The following OR7C1 variants were observed in gnomAD, a reference collection of about 807,000 sequenced individuals.
The protein encoded by OR7C1 is olfactory receptor family 7 subfamily C member 1.
For synonymous variants in OR7C1, 152 were observed against 160.7 expected (o/e 0.95, Z 0.41); for missense variants, 324 against 383.3 (o/e 0.85, Z 1.29).
intron 1 of OR7C1, among the ~76,000 whole-genome samples, chr19:14,811,944 C>A (rs373963798): frequency 6.6e-6 from 1 of 151,798 alleles, no homozygotes; most frequent in Non-Finnish European, 1.5e-5. Flanking sequence ...GGTCTGTGGC[C>A]CAGGGGTTGG....
At chr19:14,802,318 G>A (rs975176209) in intron 2 of OR7C1, among the ~76,000 whole-genome samples, 1 of 152,058 alleles carries the variant, frequency 6.6e-6, no homozygotes, top group African/African-American at 2.4e-5. Context: ...TCAGGAGTTC[G>A]AGACCAGCCT....
chr19:14,831,483 C>T (rs1312256143), intron 1 of OR7C1, among the ~76,000 whole-genome samples: 2 of 151,892 alleles, frequency 1.3e-5, no homozygotes, highest in African/African-American at 2.4e-5. Flanking sequence ...CTCGCTCTGT[C>T]GCCCAGGTTG....
chr19:14,829,425 A>G (rs2044809597), intron 1 of OR7C1, among the ~76,000 whole-genome samples: 3 of 151,506 alleles, frequency 2.0e-5, no homozygotes, highest in Non-Finnish European at 4.4e-5. Flanking sequence ...CTGGTCTTGA[A>G]CTCCCAACCT....
At chr19:14,815,804 T>TGTGTGTGTGTGTGTGTCTGTGTCTGG (rs2044713572) in intron 1 of OR7C1, among the ~76,000 whole-genome samples, 2 of 151,624 alleles carry the variant, frequency 1.3e-5, no homozygotes, top group African/African-American at 4.9e-5. Flanking sequence ...TGTGTGTGTG[T>TGTGTGTGTGTGTGTGTCTGTGTCTGG]GTGTGTGTGT....
At chr19:14,816,763 TC>T (rs1449713012) in intron 1 of OR7C1, among the ~76,000 whole-genome samples, 1 of 152,180 alleles carries the variant, frequency 6.6e-6, no homozygotes, top group Non-Finnish European at 1.5e-5. Flanking sequence ...ATTAGTTCTG[TC>T]CCTCTAGAGA....
At chr19:14,827,906 G>A (rs1411821153) in intron 1 of OR7C1, 3 of 1,614,208 alleles carry the variant, frequency 1.9e-6, no homozygotes, top group Middle Eastern at 1.6e-4. Flanking sequence ...ACAGGAGGAA[G>A]TTTTCAAATC....
At chr19:14,799,289 G>C in exon 5 of OR7C1, 4 of 1,614,106 alleles carry the variant, frequency 2.5e-6, no homozygotes, top group Non-Finnish European at 3.4e-6. Context: ...GTTCAGCATG[G>C]GGGTGACCAT....
chr19:14,802,066 TA>T lies in OR7C1; in HGVS notation c.-434-1303del, dbSNP rs545464327. ...GCAACAAAGTGAATCCTTAATTTTTTAAAAAAGGTGACTGAAACCAGGTTGG... is the reference window on the plus strand; with the variant it reads ...GCAACAAAGTGAATCCTTAATTTTTTAAAAAGGTGACTGAAACCAGGTTGG... On this transcript the variant is annotated intron_variant, in intron 2 of 4. Transcript: ENST00000641666. Among the ~76,000 whole-genome samples, 658 of 152,196 alleles carry T rather than the reference TA, an allele frequency of 4.3e-3. 6 individuals carry two copies. The highest frequency in any genetic ancestry group is 7.6e-3 in the Non-Finnish European group (515 of 67,998).
In OR7C1 at chr19:14,829,218, T is replaced by C. The variant is rs76633563; in HGVS notation, c.-623+5856A>G. 2.9e-3 allele frequency among the ~76,000 whole-genome samples: 449 copies of C among 152,290 alleles called. 1 individual carries two copies. Among genetic ancestry groups the C allele is most frequent in the Non-Finnish European group, 5.2e-3 (357 of 68,026 alleles). On this transcript the variant is annotated intron_variant, in intron 1 of 4. Coordinates refer to ENST00000641666, the Ensembl canonical transcript of OR7C1. ...GGGATGTGCTTCTTTCTTGTTTTCT[T>C]TTTTGAGACAGAGTCTCGCTCTGTT...
At chr19:14,822,833 A>G (rs2044747562) in intron 1 of OR7C1, among the ~76,000 whole-genome samples, 1 of 149,714 alleles carries the variant, frequency 6.7e-6, no homozygotes, top group Non-Finnish European at 1.5e-5. Flanking sequence ...ATGTCTCTTC[A>G]TGTCCTCTGC....
At chr19:14,827,924 G>C (rs756419593) in intron 1 of OR7C1, 5 of 1,614,076 alleles carry the variant, frequency 3.1e-6, no homozygotes, top group African/African-American at 1.3e-5. Flanking sequence ...ATCCAGCAAA[G>C]AGTATGAAAA....
At chr19:14,811,664 C>T (rs1315877606) in intron 1 of OR7C1, among the ~76,000 whole-genome samples, 1 of 151,824 alleles carries the variant, frequency 6.6e-6, no homozygotes, top group African/African-American at 2.4e-5. Flanking sequence ...AGGATTTGGC[C>T]TGTGGGCAGT....
chr19:14,833,149 A>G (rs1418289422), intron 1 of OR7C1, among the ~76,000 whole-genome samples: 1 of 152,178 alleles, frequency 6.6e-6, no homozygotes, highest in Non-Finnish European at 1.5e-5. Context: ...TTGGTCACCT[A>G]CCTCACACAT....
At chr19:14,822,471 A>G (rs1300561004) in intron 1 of OR7C1, among the ~76,000 whole-genome samples, 1 of 133,088 alleles carries the variant, frequency 7.5e-6, no homozygotes, top group African/African-American at 2.9e-5. Context: ...TGCAACCTCC[A>G]CCACCCAAGT....
chr19:14,824,628 A>G (rs531038728), intron 1 of OR7C1: 1 of 152,264 alleles, frequency 6.6e-6, no homozygotes, highest in East Asian at 1.9e-4. Flanking sequence ...TACACCATTG[A>G]TGAGCACCTG....
intron 1 of OR7C1, among the ~76,000 whole-genome samples, chr19:14,820,225 T>C (rs1310168164): frequency 6.6e-6 from 1 of 152,210 alleles, no homozygotes; most frequent in South Asian, 2.1e-4. Flanking sequence ...TCATTTATTT[T>C]AGAATTTTAT....
intron 1 of OR7C1, among the ~76,000 whole-genome samples, chr19:14,813,448 G>A (rs1456994590): frequency 3.9e-5 from 6 of 151,954 alleles, no homozygotes; most frequent in South Asian, 2.1e-4. Flanking sequence ...CCAGCTACTC[G>A]GGAGGCTGAG....
intron 1 of OR7C1, among the ~76,000 whole-genome samples, chr19:14,813,370 T>A (rs1307331868): frequency 6.6e-6 from 1 of 151,510 alleles, no homozygotes; most frequent in Non-Finnish European, 1.5e-5. Flanking sequence ...CTGATCTAAC[T>A]CGGTGAAACC....
chr19:14,824,772 C>T (rs988444697), intron 1 of OR7C1: 1 of 152,160 alleles, frequency 6.6e-6, no homozygotes, highest in Non-Finnish European at 1.5e-5. Context: ...AATGGTAGTT[C>T]AACTCAGTTT....
Sources: gnomAD v4.1 joint callset for allele counts (sites outside exome capture counted in the v4.1 genomes callset) on GRCh38, gnomAD v4.1.1 for gene constraint, MANE v1.5 for transcripts, NCBI Gene and HGNC (gene_info 2026-07-23, HGNC 2026-07-21) for gene names.